Variants in SSPN observed in about 807,000 individuals in gnomAD.
The protein encoded by SSPN is K-ras oncogene-associated protein.
A neutral mutation model predicts 19.1 loss-of-function variants in SSPN; 15 were observed. The ratio of observed to expected loss-of-function variants is 0.78; its 90% CI spans 0.52 to 1.21. The LOEUF (loss-of-function observed/expected upper bound fraction) is 1.21. Ranked by LOEUF, SSPN falls within the 50% of genes most tolerant of loss-of-function variation. SSPN has a pLI of 0.00. For missense variants in SSPN, 291 were observed against 314.0 expected (o/e 0.93, Z 0.55); for synonymous variants, 147 against 140.3 (o/e 1.05, Z -0.34).
At chr12:26,230,045 T>C (rs1452385068) in intron 2 of SSPN, among the ~76,000 whole-genome samples, 1 of 152,200 alleles carries the variant, frequency 6.6e-6, no homozygotes, top group Non-Finnish European at 1.5e-5. Context: ...TAGAGTTTTT[T>C]CAGGCTCAGG....
intron 1 of SSPN, among the ~76,000 whole-genome samples, chr12:26,137,885 C>T (rs1003479098): frequency 7.9e-5 from 12 of 151,268 alleles, no homozygotes; most frequent in Non-Finnish European, 1.3e-4. Context: ...AGGCTGGTCT[C>T]GAACTCCTGT....
At chr12:26,122,865 CAGT>C (rs763127058) in intron 1 of SSPN, 1 of 1,563,370 alleles carries the variant, frequency 6.4e-7, no homozygotes, top group Non-Finnish European at 8.7e-7. Flanking sequence ...GACGGGCACG[CAGT>C]AGGCGAGGGG....
At chr12:26,153,235 G>A (rs984445358) in intron 1 of SSPN, among the ~76,000 whole-genome samples, 47 of 152,278 alleles carry the variant, frequency 3.1e-4, no homozygotes, top group African/African-American at 1.1e-3. Context: ...TCATAGGGTT[G>A]TGAGGATCAA....
At chr12:26,193,637 G>A (rs1017983746), upstream of SSPN, among the ~76,000 whole-genome samples, 9 of 152,128 alleles carry the variant, frequency 5.9e-5, no homozygotes, top group African/African-American at 1.9e-4. Flanking sequence ...CTGGTATAAC[G>A]CCAGTTTTTA....
rs76681254 is a variant in SSPN, at chr12:26,145,492, C to T, written c.-31+23340C>T. On this transcript the variant is annotated intron_variant, in intron 1 of 2. Transcript: ENST00000538142. The stretch of plus-strand genomic sequence containing the variant: ...GGGGAAAAGTACAGGGCAGACAACA[C>T]AGTGGTGTCCGCTATGCCTGGGACA... Among the ~76,000 whole-genome samples, 4 of 152,304 alleles carry T rather than the reference C, an allele frequency of 2.6e-5. No individual in the cohort carries two copies. In the East Asian group the frequency reaches 7.7e-4, roughly 29 times the overall value.
rs752293446 is a variant in SSPN at position 26,230,923 on chromosome 12, G to A, written c.579G>A (p.Leu193=). 2 of 1,614,154 alleles carry A rather than the reference G, an allele frequency of 1.2e-6. No individual in the cohort carries two copies. Among genetic ancestry groups the A allele is most frequent in the Non-Finnish European group, 1.7e-6 (2 of 1,180,034 alleles). Residue 193 remains leucine, a synonymous_variant, in exon 3 of 3, where the codon CTG becomes CTA. Transcript: ENST00000242729. ...DCTSVTGTFK[L]FLLIQMILNL... is the part of the protein sequence containing the mutation. Reference sequence around the variant, plus strand: ...CCAGCGTCACTGGCACTTTCAAACTGTTCTTACTCATCCAGATGATTCTTA... The same window carrying A: ...CCAGCGTCACTGGCACTTTCAAACTATTCTTACTCATCCAGATGATTCTTA...
upstream of SSPN, among the ~76,000 whole-genome samples, chr12:26,191,438 G>A (rs1445320582): frequency 3.3e-5 from 5 of 152,106 alleles, no homozygotes; most frequent in African/African-American, 1.2e-4. Context: ...GTGCAACATA[G>A]TGAGACCCCA....
At chr12:26,136,685 T>G (rs1429412892) in intron 1 of SSPN, among the ~76,000 whole-genome samples, 3 of 152,234 alleles carry the variant, frequency 2.0e-5, no homozygotes, top group Non-Finnish European at 4.4e-5. Flanking sequence ...CCATTACTCT[T>G]TCCTCTAGTA....
intron 1 of SSPN, among the ~76,000 whole-genome samples, chr12:26,209,274 A>G (rs566772486): frequency 3.7e-4 from 56 of 152,184 alleles, no homozygotes; most frequent in African/African-American, 1.3e-3. Context: ...ATTATTTGAT[A>G]TTTGATTAGA....
In SSPN at chr12:26,195,859, C is replaced by A; in HGVS notation, c.187C>A (p.Leu63Met). Reference protein sequence around the residue: ...PLLLALLQLALGIAVTVVGFL... With the variant: ...PLLLALLQLAMGIAVTVVGFL... ...GCTGCTCGCCCTGCTGCAGCTGGCC[C>A]TGGGCATCGCCGTGACCGTGGTGGG... The change falls in exon 1 of 3, where the codon CTG becomes ATG. Residue 63 changes from leucine to methionine, a missense_variant. Leu to Met is a conservative substitution (Grantham distance 15, BLOSUM62 2). Around this residue, in one of 3 missense-constraint regions of SSPN, gnomAD observed 139 missense variants for 119.6 expected, o/e 1.16. Coordinates refer to ENST00000242729, the MANE Select transcript of SSPN (RefSeq NM_005086.5). 1 of 1,561,208 alleles carries A rather than the reference C, an allele frequency of 6.4e-7. No individual in the cohort carries two copies. Among genetic ancestry groups the A allele is most frequent in the East Asian group, 2.5e-5 (1 of 40,314 alleles).
chr12:26,198,801 G>C (rs1240352368), intron 1 of SSPN, among the ~76,000 whole-genome samples: 4 of 152,156 alleles, frequency 2.6e-5, no homozygotes, highest in Admixed American at 6.5e-5. Flanking sequence ...ACTTGGAGGA[G>C]AGTGGCCTCC....
chr12:26,159,039 C>T (rs1258387625), intron 1 of SSPN, among the ~76,000 whole-genome samples: 1 of 152,232 alleles, frequency 6.6e-6, no homozygotes, highest in Non-Finnish European at 1.5e-5. Context: ...ATGGGCACAG[C>T]AGCCATGTGA....
At chr12:26,201,831 A>G (rs1382138755) in intron 1 of SSPN, among the ~76,000 whole-genome samples, 1 of 152,196 alleles carries the variant, frequency 6.6e-6, no homozygotes, top group Non-Finnish European at 1.5e-5. Flanking sequence ...GGGCCACTAT[A>G]TATCCCCTGA....
intron 1 of SSPN, 60 bp from the exon 2 acceptor site, chr12:26,224,233 T>G: frequency 8.6e-7 from 1 of 1,166,878 alleles, no homozygotes; most frequent in Admixed American, 1.7e-5. Flanking sequence ...CTGAGACTGA[T>G]GTCATTTGAA....
chr12:26,149,733 AT>A (rs1944513770), intron 1 of SSPN, among the ~76,000 whole-genome samples: 2 of 152,362 alleles, frequency 1.3e-5, no homozygotes, highest in African/African-American at 2.4e-5. Context: ...ATGTGCTGTA[AT>A]TTTTGTTAGC....
upstream of SSPN, among the ~76,000 whole-genome samples, chr12:26,192,647 A>G (rs1944796352): frequency 6.6e-6 from 1 of 152,218 alleles, no homozygotes; most frequent in South Asian, 2.1e-4. Context: ...AGATTCAACC[A>G]TGCTGTTGGG....
chr12:26,127,428 A>T (rs1944372903), intron 1 of SSPN, among the ~76,000 whole-genome samples: 2 of 152,166 alleles, frequency 1.3e-5, no homozygotes, highest in Admixed American at 6.5e-5. Context: ...TTTTTCTGTT[A>T]TCTCTTTGAG....
At chr12:26,131,625 G>A (rs1944397938) in intron 1 of SSPN, among the ~76,000 whole-genome samples, 1 of 152,218 alleles carries the variant, frequency 6.6e-6, no homozygotes, top group Admixed American at 6.5e-5. Flanking sequence ...AAATGAGGGA[G>A]GAAAGAAGAG....
At chr12:26,139,714 A>T (rs1375836299) in intron 1 of SSPN, among the ~76,000 whole-genome samples, 1 of 152,258 alleles carries the variant, frequency 6.6e-6, no homozygotes. Context: ...TGTGGTAAAC[A>T]GTAAAATAAT....
Sources: allele counts gnomAD v4.1 joint callset (sites outside exome capture counted in the v4.1 genomes callset), GRCh38; gene constraint gnomAD v4.1.1; regional missense constraint gnomAD v4.1.1; transcripts MANE v1.5; gene names NCBI Gene and HGNC (gene_info 2026-07-23, HGNC 2026-07-21).